Variants in PRKD1 observed in about 807,000 individuals in gnomAD.
PRKD1 encodes the protein serine/threonine-protein kinase D1.
PRKD1 carries 63 observed loss-of-function variants against 95.9 expected under a neutral mutation model. That is an observed-to-expected ratio of 0.66 (90% confidence interval 0.54 to 0.81). The LOEUF (loss-of-function observed/expected upper bound fraction) is 0.81, where lower values mean the gene tolerates loss of function less well. Among genes scored for constraint, PRKD1 ranks in the 30% least tolerant of loss-of-function variants. The probability of loss-of-function intolerance (pLI) is 0.00; values close to 1 mark genes in which losing one functional copy is unlikely to be tolerated. For missense variants in PRKD1, 1,048 were observed against 1,165.3 expected (o/e 0.90, Z 1.47); for synonymous variants, 425 against 423.1 (o/e 1.00, Z -0.05).
chr14:29,780,789 G>A (rs1481955516), intron 1 of PRKD1, among the ~76,000 whole-genome samples: 1 of 152,116 alleles, frequency 6.6e-6, no homozygotes, highest in Non-Finnish European at 1.5e-5. Flanking sequence ...CCATTACTGG[G>A]TATATACCCA....
intron 1 of PRKD1, among the ~76,000 whole-genome samples, chr14:29,777,084 A>T (rs1160867442): frequency 6.6e-6 from 1 of 152,178 alleles, no homozygotes; most frequent in African/African-American, 2.4e-5. Flanking sequence ...CTTTACAGAC[A>T]AGCAAATGCT....
chr14:29,864,078 G>GT (rs561545052), intron 1 of PRKD1, among the ~76,000 whole-genome samples: 374 of 152,122 alleles, frequency 2.5e-3, no homozygotes, highest in Non-Finnish European at 4.0e-3. Context: ...TTTCTCTGAA[G>GT]TAAGATAATA....
At chr14:29,681,725 C>T (rs932387106) in intron 2 of PRKD1, among the ~76,000 whole-genome samples, 9 of 152,104 alleles carry the variant, frequency 5.9e-5, no homozygotes, top group African/African-American at 1.9e-4. Context: ...ACTTAAATAT[C>T]TTCAAATAAA....
At chr14:29,844,482 G>A (rs1891999636) in intron 1 of PRKD1, among the ~76,000 whole-genome samples, 1 of 152,122 alleles carries the variant, frequency 6.6e-6, no homozygotes, top group African/African-American at 2.4e-5. Flanking sequence ...ATATAAAAAT[G>A]TTTAAAAATA....
intron 7 of PRKD1, among the ~76,000 whole-genome samples, chr14:29,634,769 C>T (rs1880256722): frequency 6.6e-6 from 1 of 152,076 alleles, no homozygotes; most frequent in Non-Finnish European, 1.5e-5. Context: ...TGCAGTGACT[C>T]ACATCTGTAA....
rs751589851 is a variant in PRKD1, at chr14:29,666,141, T to C, written c.471A>G (p.Pro157=). 6.2e-7 allele frequency: 1 copy of C among 1,608,378 alleles called. No individual in the cohort carries two copies. Among genetic ancestry groups the C allele is most frequent in the African/African-American group, 1.3e-5 (1 of 74,852 alleles). The stretch of plus-strand genomic sequence containing the variant: ...TTTCTCCACAGTGATCACAGAAAGC[T>C]GGAGCTCTGTATGAATGAACAAAGA... ...HALFVHSYRA[P]AFCDHCGEML... The change falls in exon 3 of 18, where the codon CCA becomes CCG. Residue 157 remains proline (P), a synonymous_variant. Coordinates refer to ENST00000331968, the MANE Select transcript of PRKD1 (RefSeq NM_002742.3).
chr14:29,638,440 C>T, intron 6 of PRKD1, 49 bp downstream of exon 6: 1 of 1,594,700 alleles, frequency 6.3e-7, no homozygotes, highest in Non-Finnish European at 8.6e-7. Context: ...CATCACCACA[C>T]TCTCTAATAT....
chr14:29,816,493 C>T (rs576986137), intron 1 of PRKD1, among the ~76,000 whole-genome samples: 16 of 152,106 alleles, frequency 1.1e-4, no homozygotes, highest in East Asian at 1.9e-4. Flanking sequence ...AGAGAAAAAA[C>T]GTTACCATAA....
intron 1 of PRKD1, among the ~76,000 whole-genome samples, chr14:29,747,951 C>A (rs767348839): frequency 6.6e-6 from 1 of 152,074 alleles, no homozygotes; most frequent in Non-Finnish European, 1.5e-5. Flanking sequence ...ATCAGGTTAG[C>A]CAGGCTGGTC....
chr14:29,579,732 G>T (rs1892690956), intron 16 of PRKD1, among the ~76,000 whole-genome samples: 1 of 152,140 alleles, frequency 6.6e-6, no homozygotes, highest in African/African-American at 2.4e-5. Context: ...GCCCTGAAGG[G>T]CTGTAGAGTC....
chr14:29,578,499 T>A, intron 16 of PRKD1, 139 bp from the exon 17 acceptor site: 1 of 172,168 alleles, frequency 5.8e-6, no homozygotes, highest in Non-Finnish European at 1.0e-5. Context: ...AAAAAAATCC[T>A]CTTAAGAATA....
chr14:29,838,943 G>A (rs1891720075), intron 1 of PRKD1, among the ~76,000 whole-genome samples: 1 of 152,100 alleles, frequency 6.6e-6, no homozygotes. Context: ...CTGGGTGGAA[G>A]AATGATGCAA....
At chr14:29,778,931 T>C (rs2139161640) in intron 1 of PRKD1, among the ~76,000 whole-genome samples, 1 of 152,318 alleles carries the variant, frequency 6.6e-6, no homozygotes, top group South Asian at 2.1e-4. Flanking sequence ...TCAAAAAGCT[T>C]ATCCACCATG....
chr14:29,690,987 T>C (rs148585848), intron 2 of PRKD1, among the ~76,000 whole-genome samples: 42 of 152,338 alleles, frequency 2.8e-4, no homozygotes, highest in African/African-American at 8.2e-4. Flanking sequence ...TCATTTAGTT[T>C]TGACTTGAAC....
At chr14:29,779,525 C>A (rs1214913395) in intron 1 of PRKD1, among the ~76,000 whole-genome samples, 1 of 152,112 alleles carries the variant, frequency 6.6e-6, no homozygotes, top group Non-Finnish European at 1.5e-5. Flanking sequence ...CATGAGTGAA[C>A]TCCCATTCAC....
chr14:29,683,629 C>A (rs997329153), intron 2 of PRKD1, among the ~76,000 whole-genome samples: 1 of 152,080 alleles, frequency 6.6e-6, no homozygotes, highest in Non-Finnish European at 1.5e-5. Flanking sequence ...AAAAGAGAAG[C>A]AATATCCAAA....
chr14:29,805,490 T>A (rs1890196670), intron 1 of PRKD1, among the ~76,000 whole-genome samples: 1 of 152,236 alleles, frequency 6.6e-6, no homozygotes, highest in African/African-American at 2.4e-5. Context: ...GAAGGCTGAA[T>A]GAATGGTCAT....
chr14:29,581,698 A>G (rs754632466), intron 16 of PRKD1, among the ~76,000 whole-genome samples: 4 of 152,214 alleles, frequency 2.6e-5, no homozygotes, highest in Non-Finnish European at 5.9e-5. Flanking sequence ...TGTTTCCACC[A>G]CACTTTTATG....
At chr14:29,632,748 T>A in intron 9 of PRKD1, 121 bp downstream of exon 9, 1 of 851,568 alleles carries the variant, frequency 1.2e-6, no homozygotes, top group Non-Finnish European at 1.9e-6. Context: ...AAAAAAATAG[T>A]TCCTGGAGGA....
Sources: allele counts gnomAD v4.1 joint callset (sites outside exome capture counted in the v4.1 genomes callset), GRCh38; gene constraint gnomAD v4.1.1; transcripts MANE v1.5; gene names NCBI Gene and HGNC (gene_info 2026-07-23, HGNC 2026-07-21).